The following C1QTNF2 variants were observed in gnomAD, a reference collection of about 807,000 sequenced individuals.
C1QTNF2 encodes complement C1q tumor necrosis factor-related protein 2.
A neutral mutation model predicts 17.4 loss-of-function variants in C1QTNF2; 15 were observed. The ratio of observed to expected loss-of-function variants is 0.86; its 90% CI spans 0.58 to 1.33. The LOEUF is 1.33. Ranked by LOEUF, C1QTNF2 falls within the 40% of genes most tolerant of loss-of-function variation. The pLI, the probability that C1QTNF2 is intolerant of heterozygous loss-of-function variation, is 0.00. For synonymous variants in C1QTNF2, 154 were observed against 163.3 expected (o/e 0.94, Z 0.44); for missense variants, 381 against 392.3 (o/e 0.97, Z 0.24).
At chr5:160,356,104 G>A (rs557862090) in intron 1 of C1QTNF2, among the ~76,000 whole-genome samples, 20 of 152,198 alleles carry the variant, frequency 1.3e-4, no homozygotes, top group Admixed American at 4.6e-4. Flanking sequence ...CTATGCATAC[G>A]CAGAAACTGA....
Position 160,349,389 on chromosome 5 carries a change from C to T in C1QTNF2, c.637G>A (p.Val213Met), listed in dbSNP as rs1321334226. ...LANKHLAIGL[V>M]HNGQYRIRTF... ...CGGATGCGGTACTGGCCGTTGTGCA[C>T]CAGGCCGATGGCCAGGTGCTTGTTG... Residue 213 changes from valine to methionine, a missense_variant, in exon 3 of 3, where the codon GTG becomes ATG. Coordinates refer to ENST00000652664, the MANE Select transcript of C1QTNF2 (RefSeq NM_031908.6). The surrounding 1 kb of genome is among the most constrained non-coding windows in gnomAD (Gnocchi z 4.3). The T allele has an allele frequency of 1.2e-6, 2 of 1,613,948 alleles. No homozygotes were observed. The highest frequency in any genetic ancestry group is 1.7e-5 in the Admixed American group (1 of 60,002).
intron 2 of C1QTNF2, among the ~76,000 whole-genome samples, chr5:160,351,072 C>T (rs972369282): frequency 5.9e-5 from 9 of 152,206 alleles, no homozygotes; most frequent in Admixed American, 5.2e-4. Flanking sequence ...TATTTCTACA[C>T]CCATTTAAAC....
At chr5:160,357,678 A>G (rs6862816) in intron 1 of C1QTNF2, among the ~76,000 whole-genome samples, 5,113 of 152,302 alleles carry the variant, frequency 0.034, 276 homozygotes, top group African/African-American at 0.11. Context: ...TAGGGAGAGA[A>G]GGAGGGAGTA....
intron 1 of C1QTNF2, among the ~76,000 whole-genome samples, chr5:160,369,180 G>A (rs1276867996): frequency 6.6e-6 from 1 of 152,166 alleles, no homozygotes; most frequent in Admixed American, 6.5e-5. Flanking sequence ...GAGGGGGTGT[G>A]TGGGCTTTTA....
rs1763832912 is a variant in C1QTNF2, at chr5:160,347,936, T to G, written c.*1232A>C. The stretch of plus-strand genomic sequence containing the variant: ...CACCACGCCTGTCTAATTTTTGTAT[T>G]TTTTTAGACGATGTTTTGCCATGTT... On this transcript the variant is annotated 3_prime_UTR_variant, in exon 3 of 3. Transcript: ENST00000652664. 1 of 152,094 alleles carries G rather than the reference T, an allele frequency of 6.6e-6. No individual in the cohort carries two copies. The highest frequency in any genetic ancestry group is 2.4e-5 in the African/African-American group (1 of 41,400). 9.4% of individuals were successfully genotyped at this position (152,094 alleles called of 1,614,324 possible).
chr5:160,368,643 T>C (rs1484914155), intron 1 of C1QTNF2, among the ~76,000 whole-genome samples: 3 of 152,160 alleles, frequency 2.0e-5, no homozygotes, highest in African/African-American at 7.2e-5. Flanking sequence ...GGCAGGCCTT[T>C]GACCAGGAAG....
intron 2 of C1QTNF2, among the ~76,000 whole-genome samples, chr5:160,352,660 T>C (rs1029683914): frequency 6.6e-6 from 1 of 152,244 alleles, no homozygotes; most frequent in African/African-American, 2.4e-5. Flanking sequence ...GCTGGCCTGC[T>C]TGGAGCACAT....
intron 1 of C1QTNF2, among the ~76,000 whole-genome samples, chr5:160,365,079 A>T (rs1388033525): frequency 2.0e-5 from 3 of 152,224 alleles, no homozygotes; most frequent in African/African-American, 7.2e-5. Context: ...CTGTCTGCTT[A>T]CCTGAGCATC....
chr5:160,349,726 C>A lies in C1QTNF2; in HGVS notation c.300G>T (p.Gly100=), dbSNP rs774189446. 18 of 1,554,946 alleles carry A rather than the reference C, an allele frequency of 1.2e-5. No homozygotes were observed. The highest frequency in any genetic ancestry group is 1.7e-4 in the Middle Eastern group (1 of 5,782). Residue 100 remains glycine, a synonymous_variant, in exon 3 of 3, where the codon GGG becomes GGT. Coordinates refer to ENST00000652664, the MANE Select transcript of C1QTNF2 (RefSeq NM_031908.6). This position sits in a 1 kb window ranked among gnomAD's most constrained non-coding sequence, Gnocchi z 4.3. ...RGKPGPKGKA[G]AIGRAGPRGP... is the part of the protein sequence containing the mutation. ...CACGGGGGCCAGCCCGCCCAATGGC[C>A]CCGGCTTTGCCCTTTGGTCCTGGCT...
At position 160,348,803 on chromosome 5, in the gene C1QTNF2, T is replaced by C; in HGVS notation, c.*365A>G. ...CTGTTATTCCTATTACTGTCAACCA[T>C]GGCATGTTCATTTCTATCCTGGCAT... On this transcript the variant is annotated 3_prime_UTR_variant, in exon 3 of 3. Transcript: ENST00000652664. 1 of 179,988 alleles carries C rather than the reference T, an allele frequency of 5.6e-6. No individual in the cohort carries two copies. The highest frequency in any genetic ancestry group is 1.2e-5 in the Non-Finnish European group (1 of 85,596). The allele number at this position is 179,988 out of a possible 1,614,324, so 11.1% of individuals were successfully genotyped here. A position where few individuals can be genotyped will look rare whatever the true frequency, so the allele number is the denominator to read the frequency against.
chr5:160,366,984 G>A (rs1265917887), intron 1 of C1QTNF2, among the ~76,000 whole-genome samples: 1 of 144,796 alleles, frequency 6.9e-6, no homozygotes, highest in East Asian at 2.0e-4. Context: ...AGATTGTGCC[G>A]CTGCACTTCA....
chr5:160,367,574 G>A (rs1250855096), intron 1 of C1QTNF2, among the ~76,000 whole-genome samples: 4 of 152,218 alleles, frequency 2.6e-5, no homozygotes, highest in Admixed American at 2.6e-4. Flanking sequence ...CACAGCAGAT[G>A]ATGGCCACCT....
At chr5:160,368,229 C>G (rs1452938484) in intron 1 of C1QTNF2, among the ~76,000 whole-genome samples, 1 of 152,130 alleles carries the variant, frequency 6.6e-6, no homozygotes, top group Non-Finnish European at 1.5e-5. Flanking sequence ...CACATAATTC[C>G]TTTCAAAAGA....
chr5:160,354,879 G>A lies in C1QTNF2; in HGVS notation c.133C>T (p.Pro45Ser). ...GGCCCTGGGGCTCCTGGGGGGCCGG[G>A]TGGGCCCTGGGGGCCAGGCAGGCTG... is the stretch of plus-strand genomic sequence containing the variant. ...VCSLPGPQGP[P>S]GPPGAPGPSG... The change falls in exon 2 of 3, where the codon CCC becomes TCC. Residue 45 changes from proline (P) to serine (S), a missense_variant. Transcript: ENST00000652664. 1 of 1,607,152 alleles carries A rather than the reference G, an allele frequency of 6.2e-7. No homozygotes were observed. Among genetic ancestry groups the A allele is most frequent in the Non-Finnish European group, 8.5e-7 (1 of 1,177,146 alleles).
intron 1 of C1QTNF2, among the ~76,000 whole-genome samples, chr5:160,359,574 A>C (rs1274367715): frequency 1.3e-5 from 2 of 152,236 alleles, no homozygotes; most frequent in Non-Finnish European, 2.9e-5. Context: ...CACACAGTAC[A>C]TGACTTTGAA....
Position 160,348,973 on chromosome 5 carries a change from G to T in C1QTNF2, c.*195C>A, listed in dbSNP as rs1469182364. On this transcript the variant is annotated 3_prime_UTR_variant, in exon 3 of 3. Transcript: ENST00000652664. Reference sequence around the variant, plus strand: ...TGTTACACAGTAGATACTTTAAAAAGAAGTGAATAAATAGATGGTTGGATG... The same window carrying T: ...TGTTACACAGTAGATACTTTAAAAATAAGTGAATAAATAGATGGTTGGATG... 3.2e-6 allele frequency: 2 copies of T among 634,138 alleles called. No individual in the cohort carries two copies. Among genetic ancestry groups the T allele is most frequent in the East Asian group, 2.8e-5 (1 of 35,828 alleles). The allele number at this position is 634,138 out of a possible 1,614,324, so 39.3% of individuals were successfully genotyped here. A position where few individuals can be genotyped will look rare whatever the true frequency, so the allele number is the denominator to read the frequency against.
At chr5:160,369,823 G>C (rs1044714573) in intron 1 of C1QTNF2, among the ~76,000 whole-genome samples, 7 of 152,258 alleles carry the variant, frequency 4.6e-5, no homozygotes, top group Middle Eastern at 3.4e-3. Flanking sequence ...TCCTAGAATG[G>C]GGCAGCAGCA....
rs577083972 is a variant in C1QTNF2, at chr5:160,349,769, C to A, written c.257G>T (p.Arg86Leu). 1.3e-6 allele frequency: 2 copies of A among 1,523,608 alleles called. No individual in the cohort carries two copies. The highest frequency in any genetic ancestry group is 1.3e-5 in the South Asian group (1 of 76,628). The allele number at this position is 1,523,608 out of a possible 1,614,324, so 94.4% of individuals were successfully genotyped here. A position where few individuals can be genotyped will look rare whatever the true frequency, so the allele number is the denominator to read the frequency against. ...GDSGEEGPPG[R>L]TGNRGKPGPK... is the part of the protein sequence containing the mutation. Reference sequence around the variant, plus strand: ...TCCTGGCTTTCCCCGGTTACCTGTCCGGCCAGGTGGACCTGGAAGACAGAG... The same window carrying A: ...TCCTGGCTTTCCCCGGTTACCTGTCAGGCCAGGTGGACCTGGAAGACAGAG... The change falls in exon 3 of 3, where the codon CGG (arginine) becomes CTG (leucine). Residue 86 changes from arginine to leucine, a missense_variant. Coordinates refer to ENST00000652664, the MANE Select transcript of C1QTNF2 (RefSeq NM_031908.6). This position sits in a 1 kb window ranked among gnomAD's most constrained non-coding sequence, Gnocchi z 4.3.
At position 160,354,868 on chromosome 5, in the gene C1QTNF2, TG is replaced by T; in HGVS notation, c.143del (p.Pro48GlnfsTer9). ...TCATTCCTGAGGGCCCTGGGGCTCC[TG>T]GGGGGCCGGGTGGGCCCTGGGGGCC... ...LPGPQGPPGP[P>X]GAPGPSGMMG... On this transcript the variant is annotated frameshift_variant, in exon 2 of 3. Transcript: ENST00000652664. LOFTEE classifies it high-confidence loss of function. 1 of 1,608,726 alleles carries T rather than the reference TG, an allele frequency of 6.2e-7. No homozygotes were observed. Among genetic ancestry groups the T allele is most frequent in the Non-Finnish European group, 8.5e-7 (1 of 1,177,922 alleles).
Sources: gnomAD v4.1 joint callset for allele counts (sites outside exome capture counted in the v4.1 genomes callset) on GRCh38, gnomAD v4.1.1 for gene constraint, Gnocchi (gnomAD v3.1) non-coding constraint, MANE v1.5 for transcripts, NCBI Gene and HGNC (gene_info 2026-07-23, HGNC 2026-07-21) for gene names.